Variants in PBRM1 observed in about 807,000 individuals in gnomAD.
PBRM1 encodes the protein polybromo 1.
In PBRM1, 27 loss-of-function variants were observed where a neutral mutation model predicts 194.5. That is an observed-to-expected ratio of 0.14 (90% confidence interval 0.10 to 0.19). PBRM1 has a LOEUF of 0.19. PBRM1 is among the 10% of genes least tolerant of loss of function. The probability of loss-of-function intolerance (pLI) is 1.00; values close to 1 mark genes in which losing one functional copy is unlikely to be tolerated. For synonymous variants in PBRM1, 655 were observed against 693.2 expected, an observed-to-expected ratio of 0.94 and a Z score of 0.87; for missense variants, 1,466 against 2,077.2, an observed-to-expected ratio of 0.71 and a Z score of 5.72.
intron 22 of PBRM1, among the ~76,000 whole-genome samples, chr3:52,570,502 G>T (rs1269136306): frequency 6.6e-6 from 1 of 152,124 alleles, no homozygotes; most frequent in East Asian, 1.9e-4. Context: ...AGGAAAAATA[G>T]ACATTAGGAA....
chr3:52,631,865 G>A (rs1193583911), intron 11 of PBRM1, among the ~76,000 whole-genome samples: 1 of 152,232 alleles, frequency 6.6e-6, no homozygotes, highest in Non-Finnish European at 1.5e-5. Flanking sequence ...AGCTTGGAAT[G>A]TACAGGTAAT....
At chr3:52,645,928 G>A (rs538731866) in intron 7 of PBRM1, among the ~76,000 whole-genome samples, 56 of 152,236 alleles carry the variant, frequency 3.7e-4, no homozygotes, top group Non-Finnish European at 6.0e-4. Context: ...GAGGGACTAC[G>A]GACAACTAAC....
chr3:52,618,566 A>G (rs7609966), intron 13 of PBRM1, among the ~76,000 whole-genome samples: 80 of 152,134 alleles, frequency 5.3e-4, no homozygotes, highest in Non-Finnish European at 9.9e-4. Context: ...GAAGTAGGTA[A>G]TAACAAGAAA....
At chr3:52,608,221 G>C (rs147424998) in intron 16 of PBRM1, among the ~76,000 whole-genome samples, 58 of 152,300 alleles carry the variant, frequency 3.8e-4, no homozygotes, top group African/African-American at 1.3e-3. Context: ...GACTTGTCCT[G>C]GTAACTGGCT....
intron 16 of PBRM1, among the ~76,000 whole-genome samples, chr3:52,605,920 AT>A (rs1482847531): frequency 2.0e-5 from 3 of 151,110 alleles, no homozygotes; most frequent in African/African-American, 7.3e-5. Context: ...GGTTTTAAAT[AT>A]CTTTTGGGGT....
At chr3:52,648,253 A>C (rs1343016718) in intron 7 of PBRM1, 91 bp downstream of exon 8, 2 of 740,602 alleles carry the variant, frequency 2.7e-6, no homozygotes, top group Non-Finnish European at 4.6e-6. Context: ...TGTGAATTAT[A>C]TCTCAATAAA....
intron 17 of PBRM1, among the ~76,000 whole-genome samples, chr3:52,592,128 T>G (rs913076446): frequency 2.0e-5 from 3 of 148,824 alleles, no homozygotes; most frequent in South Asian, 2.1e-4. Context: ...CCAGGTTTTT[T>G]TTTTTTTTTT....
At chr3:52,559,200 C>A (rs2082868314) in intron 25 of PBRM1, among the ~76,000 whole-genome samples, 1 of 152,120 alleles carries the variant, frequency 6.6e-6, no homozygotes, top group African/African-American at 2.4e-5. Flanking sequence ...ATGAAAATTC[C>A]AGAATCCCTC....
chr3:52,554,945 C>A, intron 26 of PBRM1, 66 bp from the exon 29 acceptor site: 1 of 1,332,894 alleles, frequency 7.5e-7, no homozygotes, highest in South Asian at 1.2e-5. Context: ...GTAATAACAA[C>A]CAACCCCCAC....
rs1476160028 is a variant in PBRM1 at position 52,661,684 on chromosome 3, GAAC to G, written c.528+446_528+448del. ...CAAAGGAAGCACTTTCTATGCAGAA[GAAC>G]AACTGCAAAATTCCAGAGGCAGAAA... On this transcript the variant is annotated intron_variant, in intron 4 of 29. Coordinates refer to ENST00000296302, the Ensembl canonical transcript of PBRM1. Among the ~76,000 whole-genome samples, 3 of 152,128 alleles carry G rather than the reference GAAC, an allele frequency of 2.0e-5. No homozygotes were observed. In the East Asian group the frequency reaches 5.8e-4, roughly 29 times the overall value.
chr3:52,645,386 C>T (rs1560720818), intron 7 of PBRM1, among the ~76,000 whole-genome samples: 1 of 151,118 alleles, frequency 6.6e-6, no homozygotes, highest in Non-Finnish European at 1.5e-5. Context: ...TGGTCTCAAA[C>T]CCCTATCTTC....
chr3:52,663,878 T>A (rs891855660), intron 3 of PBRM1, among the ~76,000 whole-genome samples: 1 of 151,886 alleles, frequency 6.6e-6, no homozygotes, highest in Non-Finnish European at 1.5e-5. Flanking sequence ...GCTAACACAG[T>A]GAAACCTCAT....
chr3:52,638,618 G>A (rs2095924389), intron 10 of PBRM1, among the ~76,000 whole-genome samples: 1 of 151,658 alleles, frequency 6.6e-6, no homozygotes, highest in African/African-American at 2.4e-5. Context: ...TTAAGAGACA[G>A]AGTCTCGTTC....
At chr3:52,599,368 T>C (rs957344025) in intron 17 of PBRM1, among the ~76,000 whole-genome samples, 1 of 152,282 alleles carries the variant, frequency 6.6e-6, no homozygotes, top group East Asian at 1.9e-4. Flanking sequence ...ATAAAATGAA[T>C]TGTTAATTAT....
intron 11 of PBRM1, among the ~76,000 whole-genome samples, chr3:52,632,227 A>G (rs1006406810): frequency 3.3e-5 from 5 of 152,192 alleles, no homozygotes; most frequent in Admixed American, 3.3e-4. Flanking sequence ...ACTTTCAGAG[A>G]TATCATACAG....
intron 27 of PBRM1, among the ~76,000 whole-genome samples, chr3:52,551,224 A>T (rs2080908108): frequency 1.3e-5 from 2 of 152,210 alleles, no homozygotes; most frequent in Non-Finnish European, 2.9e-5. Context: ...GCAGTAAGCA[A>T]TGTGCTAGGA....
chr3:52,607,750 AAT>A lies in PBRM1; in HGVS notation c.2567+1561_2567+1562del, dbSNP rs1273022228. 7.5e-4 allele frequency among the ~76,000 whole-genome samples: 114 copies of A among 152,324 alleles called. 1 individual carries two copies. Among genetic ancestry groups the A allele is most frequent in the Middle Eastern group, 6.8e-3 (2 of 294 alleles). Reference sequence around the variant, plus strand: ...ATGCTCATTAAGTAGCCTCTCAATAAATATGTGTTGAATAAATGAGTAACTCC... The same window carrying A: ...ATGCTCATTAAGTAGCCTCTCAATAAATGTGTTGAATAAATGAGTAACTCC... On this transcript the variant is annotated intron_variant, in intron 16 of 29. Coordinates refer to ENST00000296302, the Ensembl canonical transcript of PBRM1.
intron 22 of PBRM1, among the ~76,000 whole-genome samples, chr3:52,570,395 T>C (rs906920053): frequency 1.3e-5 from 2 of 152,252 alleles, no homozygotes; most frequent in African/African-American, 4.8e-5. Flanking sequence ...CTACAATTAC[T>C]ATCACTGCTT....
At position 52,549,725 on chromosome 3, in the gene PBRM1, C is replaced by T. The variant is rs186965462; in HGVS notation, c.4897+696G>A. The stretch of plus-strand genomic sequence containing the variant: ...TTCGAGACCAGCCTGGCCAAAACGG[C>T]GAAACCCCATCTCTACTAAAGATAA... On this transcript the variant is annotated intron_variant, in intron 29 of 29. Coordinates refer to ENST00000296302, the Ensembl canonical transcript of PBRM1. 2.3e-3 allele frequency among the ~76,000 whole-genome samples: 340 copies of T among 150,672 alleles called. 2 individuals carry two copies. The highest frequency in any genetic ancestry group is 7.8e-3 in the African/African-American group (319 of 40,954).
Sources: gnomAD v4.1 joint callset for allele counts (sites outside exome capture counted in the v4.1 genomes callset) on GRCh38, gnomAD v4.1.1 for gene constraint, MANE v1.5 for transcripts, NCBI Gene and HGNC (gene_info 2026-07-23, HGNC 2026-07-21) for gene names.